Variants in MPP7 observed in about 807,000 individuals in gnomAD.
The protein encoded by MPP7 is MAGUK p55 subfamily member 7.
MPP7 carries 60 observed loss-of-function variants against 76.5 expected under a neutral mutation model. The observed-to-expected ratio is 0.78, with a 90% CI of 0.64 to 0.97. The LOEUF (loss-of-function observed/expected upper bound fraction) is 0.97, where lower values mean the gene tolerates loss of function less well. Ranked by LOEUF, MPP7 falls within the 50% of genes least tolerant of loss-of-function variation. The pLI, the probability that MPP7 is intolerant of heterozygous loss-of-function variation, is 0.00. For synonymous variants in MPP7, 237 were observed against 244.5 expected, an observed-to-expected ratio of 0.97 and a Z score of 0.29; for missense variants, 641 against 694.0, an observed-to-expected ratio of 0.92 and a Z score of 0.86.
At chr10:28,226,021 G>A (rs902041813) in intron 2 of MPP7, among the ~76,000 whole-genome samples, 13 of 152,046 alleles carry the variant, frequency 8.6e-5, no homozygotes, top group African/African-American at 2.9e-4. Flanking sequence ...TACACAAAAT[G>A]CAGTATATAC....
intron 3 of MPP7, among the ~76,000 whole-genome samples, chr10:28,170,518 A>G (rs564594316): frequency 6.6e-6 from 1 of 151,776 alleles, no homozygotes; most frequent in African/African-American, 2.4e-5. Context: ...TTGAGCACAC[A>G]TTAGACTCTC....
intron 3 of MPP7, among the ~76,000 whole-genome samples, chr10:28,183,267 G>A (rs1161751845): frequency 3.3e-5 from 5 of 152,100 alleles, no homozygotes; most frequent in Non-Finnish European, 4.4e-5. Context: ...ACTTCAACTG[G>A]ATCTACAATA....
chr10:28,114,070 A>G (rs1430738602), intron 11 of MPP7, among the ~76,000 whole-genome samples: 1 of 152,156 alleles, frequency 6.6e-6, no homozygotes, highest in Non-Finnish European at 1.5e-5. Context: ...TTAGAGCAGG[A>G]GAGGAAAGTT....
chr10:28,242,305 T>C (rs1839297389), intron 1 of MPP7, among the ~76,000 whole-genome samples: 1 of 152,174 alleles, frequency 6.6e-6, no homozygotes, highest in Admixed American at 6.5e-5. Context: ...AAAGTTACAT[T>C]TTCAAAACCT....
At position 28,160,523 on chromosome 10, in the gene MPP7, A is replaced by G. The variant is rs934118705; in HGVS notation, c.157-10464T>C. 2.0e-5 allele frequency among the ~76,000 whole-genome samples: 3 copies of G among 152,262 alleles called. No individual in the cohort carries two copies. In the South Asian group the frequency reaches 6.2e-4, roughly 32 times the overall value. ...AGTGAAAAAAGCAAACAACATCATA[A>G]TATTATCAGGAAAATAGTTTAGACC... On this transcript the variant is annotated intron_variant, in intron 3 of 16. Coordinates refer to ENST00000683449, the MANE Select transcript of MPP7 (RefSeq NM_001318170.2).
intron 3 of MPP7, among the ~76,000 whole-genome samples, chr10:28,165,513 G>A (rs909021436): frequency 2.8e-5 from 4 of 142,166 alleles, no homozygotes; most frequent in Non-Finnish European, 6.0e-5. Context: ...GCTATAGAGT[G>A]AGACCTTGTC....
At chr10:28,106,218 CT>C (rs1181488034) in intron 11 of MPP7, among the ~76,000 whole-genome samples, 4 of 152,158 alleles carry the variant, frequency 2.6e-5, no homozygotes, top group Admixed American at 6.5e-5. Flanking sequence ...CTTATTTGGA[CT>C]TTTTTCTCTA....
intron 11 of MPP7, among the ~76,000 whole-genome samples, chr10:28,106,411 T>C (rs570195801): frequency 1.3e-5 from 2 of 152,302 alleles, no homozygotes; most frequent in East Asian, 1.9e-4. Flanking sequence ...ATAACATCCC[T>C]TGGCATCTCC....
At chr10:28,334,984 G>A (rs1426970544), upstream of MPP7, among the ~76,000 whole-genome samples, 1 of 152,192 alleles carries the variant, frequency 6.6e-6, no homozygotes, top group Non-Finnish European at 1.5e-5. Flanking sequence ...GAAAGTTTCT[G>A]TTTTAGGATC....
At chr10:28,124,466 A>ATTTTTTTTTTTT (rs5784042) in intron 7 of MPP7, among the ~76,000 whole-genome samples, 2 of 80,080 alleles carry the variant, frequency 2.5e-5, no homozygotes, top group African/African-American at 5.0e-5. Context: ...AAGAAACAAG[A>ATTTTTTTTTTTT]TTTTTTTTTT....
At chr10:28,291,828 A>C (rs1391503892) in intron 1 of MPP7, among the ~76,000 whole-genome samples, 1 of 152,204 alleles carries the variant, frequency 6.6e-6, no homozygotes, top group Non-Finnish European at 1.5e-5. Context: ...TCAGGCAAAA[A>C]AGTTAAGCTA....
intron 3 of MPP7, among the ~76,000 whole-genome samples, chr10:28,164,543 G>A (rs530592942): frequency 5.1e-4 from 77 of 152,176 alleles, no homozygotes; most frequent in African/African-American, 1.7e-3. Flanking sequence ...GTGGGTAAGC[G>A]CTCACTTATG....
At position 28,054,164 on chromosome 10, in the gene MPP7, T is replaced by C. The variant is rs902469924; in HGVS notation, c.1632A>G (p.Ile544Met). Residue 544 changes from isoleucine to methionine, a missense_variant, in exon 17 of 17, where the codon ATA (isoleucine) becomes ATG (methionine). Coordinates refer to ENST00000683449, the MANE Select transcript of MPP7 (RefSeq NM_001318170.2). ...QYGHLFDKII[I>M]NDDLTVAFNE... ...TGAATGCCACAGTGAGGTCATCATT[T>C]ATTATAATTTTGTCAAAAAGATGAC... The C allele has an allele frequency of 9.3e-6, 15 of 1,609,026 alleles. No homozygotes were observed. The highest frequency in any genetic ancestry group is 1.2e-5 in the Non-Finnish European group (14 of 1,176,450).
chr10:28,186,203 G>A (rs940007917), intron 3 of MPP7, among the ~76,000 whole-genome samples: 1 of 152,008 alleles, frequency 6.6e-6, no homozygotes, highest in African/African-American at 2.4e-5. Flanking sequence ...AAAATTAGCT[G>A]GCCATGGTGG....
intron 2 of MPP7, among the ~76,000 whole-genome samples, chr10:28,323,457 A>G (rs2133186011): frequency 6.7e-6 from 1 of 149,216 alleles, no homozygotes; most frequent in African/African-American, 2.5e-5. Flanking sequence ...TATCTAGGAA[A>G]AAAAAAAAAA....
At chr10:28,094,131 G>A (rs111811450) in intron 11 of MPP7, among the ~76,000 whole-genome samples, 59 of 152,228 alleles carry the variant, frequency 3.9e-4, no homozygotes, top group African/African-American at 1.3e-3. Flanking sequence ...TGCTCCCCGC[G>A]GGGCAGCCAT....
At chr10:28,190,349 A>C (rs1837374418) in intron 3 of MPP7, among the ~76,000 whole-genome samples, 1 of 152,196 alleles carries the variant, frequency 6.6e-6, no homozygotes, top group South Asian at 2.1e-4. Flanking sequence ...CATTTATGGA[A>C]TACTTTATCC....
intron 11 of MPP7, chr10:28,118,418 T>C (rs867329850): frequency 4.1e-6 from 4 of 983,282 alleles, no homozygotes; most frequent in Admixed American, 1.2e-4. Flanking sequence ...TATAATTACA[T>C]TTATTTCATC....
chr10:28,146,401 T>C (rs1269799192), intron 5 of MPP7, among the ~76,000 whole-genome samples: 2 of 113,204 alleles, frequency 1.8e-5, no homozygotes, highest in Admixed American at 2.1e-4. Context: ...TTTTTTGTTT[T>C]TTTGTTTTTT....
Sources: gnomAD v4.1 joint callset for allele counts (sites outside exome capture counted in the v4.1 genomes callset) on GRCh38, gnomAD v4.1.1 for gene constraint, MANE v1.5 for transcripts, NCBI Gene and HGNC (gene_info 2026-07-23, HGNC 2026-07-21) for gene names.